Variants in ASAP1 observed in about 807,000 individuals in gnomAD.
The protein encoded by ASAP1 is arf-GAP with SH3 domain, ANK repeat and PH domain-containing protein 1.
A neutral mutation model predicts 145.2 loss-of-function variants in ASAP1; 43 were observed. The ratio of observed to expected loss-of-function variants is 0.30; its 90% CI spans 0.23 to 0.38. The LOEUF is 0.38. ASAP1 is among the 10% of genes least tolerant of loss of function. The pLI, the probability that ASAP1 is intolerant of heterozygous loss-of-function variation, is 1.00. For missense variants in ASAP1, 1,018 were observed against 1,355.3 expected, an observed-to-expected ratio of 0.75 and a Z score of 3.91; for synonymous variants, 546 against 515.5, an observed-to-expected ratio of 1.06 and a Z score of -0.80.
chr8:130,186,165 T>C (rs1364195081), intron 7 of ASAP1, among the ~76,000 whole-genome samples: 1 of 152,206 alleles, frequency 6.6e-6, no homozygotes, highest in East Asian at 1.9e-4. Flanking sequence ...CCACTTTTCA[T>C]ACAGAAAGAC....
At chr8:130,153,089 G>A (rs1019237118) in intron 12 of ASAP1, among the ~76,000 whole-genome samples, 12 of 150,842 alleles carry the variant, frequency 8.0e-5, no homozygotes, top group African/African-American at 2.7e-4. Context: ...GCATGATCTC[G>A]GCTCACTGCA....
chr8:130,335,257 G>A (rs1036489020), intron 3 of ASAP1, among the ~76,000 whole-genome samples: 1 of 152,098 alleles, frequency 6.6e-6, no homozygotes, highest in African/African-American at 2.4e-5. Context: ...ATTGGATGCC[G>A]ATCATGCAAC....
chr8:130,180,653 CA>C, intron 8 of ASAP1, 97 bp downstream of exon 8: 1 of 1,388,060 alleles, frequency 7.2e-7, no homozygotes, highest in Non-Finnish European at 9.7e-7. Flanking sequence ...CTCTAATAAT[CA>C]AACAGAGTCT....
chr8:130,153,801 T>C (rs189315144), intron 12 of ASAP1, among the ~76,000 whole-genome samples: 1 of 152,176 alleles, frequency 6.6e-6, no homozygotes, highest in Admixed American at 6.5e-5. Context: ...CCCAAACCTG[T>C]TGGGGGTGGT....
intron 24 of ASAP1, among the ~76,000 whole-genome samples, chr8:130,109,576 A>G (rs1412447642): frequency 6.6e-6 from 1 of 152,168 alleles, no homozygotes; most frequent in East Asian, 1.9e-4. Flanking sequence ...CATGGAGAAC[A>G]AGGAACTCAA....
chr8:130,067,466 G>A (rs991166535), intron 27 of ASAP1, among the ~76,000 whole-genome samples: 10 of 152,176 alleles, frequency 6.6e-5, no homozygotes. Flanking sequence ...TGCAAACATG[G>A]CTCACTACTA....
chr8:130,084,092 C>T (rs567257219), intron 25 of ASAP1: 4 of 152,292 alleles, frequency 2.6e-5, no homozygotes, highest in East Asian at 1.9e-4. Flanking sequence ...TGCGCCAGGC[C>T]GATAACACCA....
chr8:130,397,348 C>T (rs1274239088), intron 2 of ASAP1, among the ~76,000 whole-genome samples: 1 of 152,164 alleles, frequency 6.6e-6, no homozygotes, highest in East Asian at 1.9e-4. Flanking sequence ...GCCATGTTGG[C>T]CAGGCTGGTC....
chr8:130,139,202 G>C (rs1206071404), intron 13 of ASAP1, among the ~76,000 whole-genome samples: 1 of 152,180 alleles, frequency 6.6e-6, no homozygotes, highest in Admixed American at 6.5e-5. Flanking sequence ...ACTTAGTACA[G>C]AGGAGGGAAA....
chr8:130,214,719 G>A lies in ASAP1; in HGVS notation c.260-18C>T, dbSNP rs200504967. ...TACATGATCTAAAAACAAAAAAGAAGAAGAAAGGAGTCTGAACTATTATTT... is the reference window on the plus strand; with the variant it reads ...TACATGATCTAAAAACAAAAAAGAAAAAGAAAGGAGTCTGAACTATTATTT... On this transcript the variant is annotated intron_variant, in intron 4 of 29. Transcript: ENST00000518721. 2.0e-5 allele frequency: 32 copies of A among 1,563,578 alleles called. No individual in the cohort carries two copies. In the Admixed American group the frequency reaches 6.2e-4, roughly 30 times the overall value.
At chr8:130,298,045 C>T (rs1822393689) in intron 3 of ASAP1, among the ~76,000 whole-genome samples, 1 of 152,170 alleles carries the variant, frequency 6.6e-6, no homozygotes, top group Non-Finnish European at 1.5e-5. Flanking sequence ...ATCCCCATGT[C>T]TTCATTGCTA....
intron 24 of ASAP1, among the ~76,000 whole-genome samples, chr8:130,096,625 G>A (rs2097518377): frequency 6.6e-6 from 1 of 152,180 alleles, no homozygotes; most frequent in Non-Finnish European, 1.5e-5. Context: ...TCTTCTAAGA[G>A]GAAGTAGAGT....
At chr8:130,187,187 A>T in intron 7 of ASAP1, 49 bp downstream of exon 7, 1 of 1,505,276 alleles carries the variant, frequency 6.6e-7, no homozygotes, top group African/African-American at 1.4e-5. Flanking sequence ...TCCAAAATTC[A>T]CAACAATATT....
chr8:130,136,933 G>A lies in ASAP1; in HGVS notation c.1168+18C>T. On this transcript the variant is annotated intron_variant, in intron 14 of 29. Coordinates refer to ENST00000518721, the MANE Select transcript of ASAP1 (RefSeq NM_018482.4). The stretch of plus-strand genomic sequence containing the variant: ...CAGAAGCCACAATAACCAACTCAGA[G>A]AGAGAAAAAGGACTCACGTGATATC... 1 of 1,608,432 alleles carries A rather than the reference G, an allele frequency of 6.2e-7. No homozygotes were observed. Among genetic ancestry groups the A allele is most frequent in the Non-Finnish European group, 8.5e-7 (1 of 1,174,814 alleles).
chr8:130,158,966 C>T (rs550999748), intron 12 of ASAP1, among the ~76,000 whole-genome samples: 4 of 152,010 alleles, frequency 2.6e-5, no homozygotes, highest in African/African-American at 7.2e-5. Context: ...CTCCTGACCT[C>T]GTGATCTGCC....
chr8:130,230,510 A>C (rs182333814), intron 4 of ASAP1, among the ~76,000 whole-genome samples: 26 of 152,186 alleles, frequency 1.7e-4, no homozygotes, highest in Admixed American at 1.6e-3. Context: ...TTGGGGGAAA[A>C]AAACCCCTTC....
chr8:130,407,500 C>T (rs1002413430), intron 1 of ASAP1, among the ~76,000 whole-genome samples: 4 of 152,218 alleles, frequency 2.6e-5, no homozygotes, highest in Non-Finnish European at 5.9e-5. Context: ...CAATAAATAT[C>T]TGTCGAAGGA....
chr8:130,149,078 G>A (rs1168312238), intron 13 of ASAP1, among the ~76,000 whole-genome samples: 1 of 149,402 alleles, frequency 6.7e-6, no homozygotes, highest in Non-Finnish European at 1.5e-5. Context: ...GAACTCCTGG[G>A]CTCAAGTGAT....
At chr8:130,424,803 C>T (rs1829852908) in intron 1 of ASAP1, among the ~76,000 whole-genome samples, 1 of 152,008 alleles carries the variant, frequency 6.6e-6, no homozygotes, top group Non-Finnish European at 1.5e-5. Context: ...ACCATCTTGG[C>T]TAACACGATG....
Sources: allele counts gnomAD v4.1 joint callset (sites outside exome capture counted in the v4.1 genomes callset), GRCh38; gene constraint gnomAD v4.1.1; transcripts MANE v1.5; gene names NCBI Gene and HGNC (gene_info 2026-07-23, HGNC 2026-07-21).